TMTC1: variants seen among roughly 807,000 people sequenced by gnomAD.
TMTC1 encodes protein O-mannosyl-transferase TMTC1.
Under a neutral mutation model 104.8 loss-of-function variants are expected in TMTC1, and 73 were observed. That is an observed-to-expected ratio of 0.70 (90% CI 0.58 to 0.85). The LOEUF is 0.85. Among genes scored for constraint, TMTC1 ranks in the 40% least tolerant of loss-of-function variants. The probability of loss-of-function intolerance (pLI) is 0.00; values close to 1 mark genes in which losing one functional copy is unlikely to be tolerated. For missense variants in TMTC1, 1,035 were observed against 1,096.1 expected (o/e 0.94, Z 0.79); for synonymous variants, 434 against 428.7 (o/e 1.01, Z -0.15).
intron 10 of TMTC1, among the ~76,000 whole-genome samples, chr12:29,544,116 G>A (rs1455720467): frequency 6.6e-5 from 10 of 151,778 alleles, no homozygotes; most frequent in South Asian, 2.1e-4. Context: ...TGGTGGTGGC[G>A]CCTGTAATCC....
intron 5 of TMTC1, among the ~76,000 whole-genome samples, chr12:29,735,917 T>C (rs907911548): frequency 2.6e-5 from 4 of 152,188 alleles, no homozygotes; most frequent in Non-Finnish European, 1.5e-5. Flanking sequence ...GGAAAAGTAG[T>C]TCTCTCTGGG....
chr12:29,526,010 A>G (rs1305862463), intron 11 of TMTC1, among the ~76,000 whole-genome samples: 3 of 152,318 alleles, frequency 2.0e-5, no homozygotes, highest in East Asian at 3.9e-4. Flanking sequence ...TATAACCAGA[A>G]AATACGCATT....
At chr12:29,684,122 G>T (rs2136727153) in intron 5 of TMTC1, among the ~76,000 whole-genome samples, 1 of 152,290 alleles carries the variant, frequency 6.6e-6, no homozygotes, top group South Asian at 2.1e-4. Context: ...GCGATTACAG[G>T]CATGAGCCCC....
At chr12:29,751,158 C>T (rs923144057) in intron 5 of TMTC1, among the ~76,000 whole-genome samples, 2 of 152,190 alleles carry the variant, frequency 1.3e-5, no homozygotes, top group African/African-American at 4.8e-5. Flanking sequence ...TAAATCCATG[C>T]TAATTTTCAC....
chr12:29,547,037 T>C (rs960109730), intron 10 of TMTC1, among the ~76,000 whole-genome samples: 2 of 152,074 alleles, frequency 1.3e-5, no homozygotes, highest in African/African-American at 2.4e-5. Context: ...CCGGGAAAGA[T>C]TGTAAAGGGT....
intron 6 of TMTC1, among the ~76,000 whole-genome samples, chr12:29,627,685 G>C (rs575331111): frequency 6.1e-3 from 193 of 31,602 alleles, no homozygotes; most frequent in African/African-American, 0.012. Flanking sequence ...ATTTTTAGTA[G>C]TCCAAAAAAA....
At chr12:29,715,171 A>C (rs1470475345) in intron 5 of TMTC1, among the ~76,000 whole-genome samples, 2 of 152,212 alleles carry the variant, frequency 1.3e-5, no homozygotes, top group Non-Finnish European at 2.9e-5. Flanking sequence ...AATGCTTTCA[A>C]CAAAATTGAA....
chr12:29,580,336 T>TAAATA (rs975342834), intron 8 of TMTC1, among the ~76,000 whole-genome samples: 7 of 151,998 alleles, frequency 4.6e-5, no homozygotes, highest in Non-Finnish European at 7.4e-5. Context: ...AATAAATGAA[T>TAAATA]AAATAAAATA....
At chr12:29,721,395 A>G (rs977527830) in intron 5 of TMTC1, among the ~76,000 whole-genome samples, 9 of 152,194 alleles carry the variant, frequency 5.9e-5, no homozygotes, top group Admixed American at 2.0e-4. Context: ...GCCAAACACT[A>G]ACCCAAAGAA....
intron 7 of TMTC1, among the ~76,000 whole-genome samples, chr12:29,600,008 A>AT (rs1555174499): frequency 0.036 from 4,325 of 118,604 alleles, 146 homozygotes; most frequent in Middle Eastern, 0.11. Flanking sequence ...ATATATATAT[A>AT]TTTTTTTTTT....
intron 16 of TMTC1, 89 bp from the exon 17 acceptor site, chr12:29,512,209 A>C (rs1943859468): frequency 7.5e-6 from 8 of 1,070,356 alleles, no homozygotes; most frequent in Non-Finnish European, 1.1e-5. Flanking sequence ...GTGAAAATTT[A>C]AAGTAGTAAT....
At chr12:29,537,117 T>G (rs1944667435) in intron 10 of TMTC1, among the ~76,000 whole-genome samples, 2 of 152,202 alleles carry the variant, frequency 1.3e-5, no homozygotes, top group Non-Finnish European at 2.9e-5. Context: ...TGATCAAGTT[T>G]GCTATTAATA....
intron 5 of TMTC1, among the ~76,000 whole-genome samples, chr12:29,657,858 C>T (rs1344196035): frequency 6.6e-6 from 1 of 152,138 alleles, no homozygotes; most frequent in East Asian, 1.9e-4. Context: ...GTAATCCCAG[C>T]ACTTGGAGAG....
intron 6 of TMTC1, among the ~76,000 whole-genome samples, chr12:29,612,563 C>A (rs1215595569): frequency 6.6e-6 from 1 of 152,092 alleles, no homozygotes; most frequent in East Asian, 1.9e-4. Flanking sequence ...AGACATGTGC[C>A]ATCATGCCTG....
At chr12:29,668,082 ATTGTT>A (rs1940352824) in intron 5 of TMTC1, among the ~76,000 whole-genome samples, 1 of 152,236 alleles carries the variant, frequency 6.6e-6, no homozygotes, top group Non-Finnish European at 1.5e-5. Context: ...AACACAGATC[ATTGTT>A]AAACTGCATT....
rs1011381231 is a variant in TMTC1 at position 29,604,954 on chromosome 12, TATATCTTTATTTGCAAAG to T, written c.1129-673_1129-656del. On this transcript the variant is annotated intron_variant, in intron 6 of 17. Coordinates refer to ENST00000539277, the MANE Select transcript of TMTC1 (RefSeq NM_001193451.2). ...TGACAAAGAACCTCCTCTGTTATTA[TATATCTTTATTTGCAAAG>T]ATTTTTATGTCACTTATAATTAACA... Among the ~76,000 whole-genome samples, 130 of 152,316 alleles carry T rather than the reference TATATCTTTATTTGCAAAG, an allele frequency of 8.5e-4. No individual in the cohort carries two copies. The Middle Eastern group carries it at 0.01, about 12-fold the overall frequency.
At chr12:29,509,282 T>C (rs1015445166) in intron 17 of TMTC1, among the ~76,000 whole-genome samples, 7 of 152,234 alleles carry the variant, frequency 4.6e-5, no homozygotes, top group Non-Finnish European at 1.0e-4. Flanking sequence ...TATAATTTCT[T>C]GGTCCACTCA....
intron 10 of TMTC1, among the ~76,000 whole-genome samples, chr12:29,553,106 C>T (rs1389977696): frequency 6.6e-6 from 1 of 152,148 alleles, no homozygotes; most frequent in Non-Finnish European, 1.5e-5. Flanking sequence ...AAGGCAATTG[C>T]ATGCCATTAA....
chr12:29,714,739 GA>G (rs1325693690), intron 5 of TMTC1, among the ~76,000 whole-genome samples: 1 of 152,210 alleles, frequency 6.6e-6, no homozygotes, highest in Non-Finnish European at 1.5e-5. Flanking sequence ...ACAAGGATCA[GA>G]AGTCAAAATT....
Sources: allele counts gnomAD v4.1 joint callset (sites outside exome capture counted in the v4.1 genomes callset), GRCh38; gene constraint gnomAD v4.1.1; transcripts MANE v1.5; gene names NCBI Gene and HGNC (gene_info 2026-07-23, HGNC 2026-07-21).